Variants in SH3TC2 observed in about 807,000 individuals in gnomAD.
The protein encoded by SH3TC2 is SH3 domain and tetratricopeptide repeats 2.
SH3TC2 carries 87 observed loss-of-function variants against 124.5 expected under a neutral mutation model. That is an observed-to-expected ratio of 0.70 (90% CI 0.59 to 0.84). The LOEUF (loss-of-function observed/expected upper bound fraction) is 0.84. Among genes scored for constraint, SH3TC2 ranks in the 40% least tolerant of loss-of-function variants. SH3TC2 has a pLI of 0.00. For synonymous variants in SH3TC2, 634 were observed against 628.5 expected, an observed-to-expected ratio of 1.01 and a Z score of -0.13; for missense variants, 1,536 against 1,566.4, an observed-to-expected ratio of 0.98 and a Z score of 0.33.
chr5:148,984,645 T>C lies in SH3TC2; in HGVS notation c.*20066A>G, dbSNP rs1753305340. 6.6e-6 allele frequency among the ~76,000 whole-genome samples: 1 copy of C among 152,162 alleles called. No homozygotes were observed. The highest frequency in any genetic ancestry group is 1.5e-5 in the Non-Finnish European group (1 of 68,030). ...AAGGTTGGTCTTTCAGGTTGGCATA[T>C]AGGAAGGAATTTGTCAGCATGTATC... On this transcript the variant is annotated 3_prime_UTR_variant, in exon 17 of 17. Coordinates refer to ENST00000515425, the MANE Select transcript of SH3TC2 (RefSeq NM_024577.4).
intron 3 of SH3TC2, 98 bp downstream of exon 3, chr5:149,047,764 G>A: frequency 6.7e-7 from 1 of 1,496,550 alleles, no homozygotes; most frequent in Non-Finnish European, 9.3e-7. Context: ...TTTTTCCGAG[G>A]ACCTACTTTG....
intron 14 of SH3TC2, 93 bp downstream of exon 14, chr5:149,010,177 A>T: frequency 6.5e-7 from 1 of 1,544,266 alleles, no homozygotes; most frequent in Non-Finnish European, 8.9e-7. Context: ...TACAAGCAAG[A>T]GAGGAGAAGA....
In SH3TC2 at chr5:148,996,123, A is replaced by G. The variant is rs367726882; in HGVS notation, c.*8588T>C. On this transcript the variant is annotated 3_prime_UTR_variant, in exon 17 of 17. Transcript: ENST00000515425. ...AAAAATTAGCTGGGAGTGGTTGTAC[A>G]TGCCTGTAGTCCCAGCTACTCGGGA... Among the ~76,000 whole-genome samples the G allele has an allele frequency of 1.3e-5, 2 of 151,948 alleles. No individual in the cohort carries two copies. Among genetic ancestry groups the G allele is most frequent in the South Asian group, 2.1e-4 (1 of 4,814 alleles).
chr5:149,039,344 T>A (rs1373789051), intron 7 of SH3TC2, among the ~76,000 whole-genome samples: 1 of 152,226 alleles, frequency 6.6e-6, no homozygotes, highest in Non-Finnish European at 1.5e-5. Context: ...ATGAGATTTG[T>A]CTAAGGATCT....
intron 1 of SH3TC2, among the ~76,000 whole-genome samples, chr5:149,056,252 C>T (rs1833687): frequency 0.029 from 4,466 of 152,198 alleles, 296 homozygotes; most frequent in Admixed American, 0.16. Flanking sequence ...TTCTGCTTCT[C>T]TCCCTCCTCC....
Position 148,982,197 on chromosome 5 carries a change from A to C in SH3TC2, c.*22514T>G, listed in dbSNP as rs1440634586. Among the ~76,000 whole-genome samples the C allele has an allele frequency of 1.3e-5, 2 of 152,176 alleles. No homozygotes were observed. Among genetic ancestry groups the C allele is most frequent in the South Asian group, 2.1e-4 (1 of 4,814 alleles). On this transcript the variant is annotated 3_prime_UTR_variant, in exon 17 of 17. Coordinates refer to ENST00000515425, the MANE Select transcript of SH3TC2 (RefSeq NM_024577.4). Reference sequence around the variant, plus strand: ...CTGTAGTTTAAATTTTAAAACATTGAGATACCACCTCACAACTATTAAACA... The same window carrying C: ...CTGTAGTTTAAATTTTAAAACATTGCGATACCACCTCACAACTATTAAACA...
In SH3TC2 at chr5:149,028,439, G is replaced by T; in HGVS notation, c.1293C>A (p.Leu431=). The T allele has an allele frequency of 1.2e-6, 2 of 1,613,338 alleles. No individual in the cohort carries two copies. The highest frequency in any genetic ancestry group is 8.5e-7 in the Non-Finnish European group (1 of 1,179,576). The change falls in exon 11 of 17, where the codon CTC becomes CTA. Residue 431 remains leucine (L), a synonymous_variant. Coordinates refer to ENST00000515425, the MANE Select transcript of SH3TC2 (RefSeq NM_024577.4). ...SSEDSSLEEE[L]LSATSDSYRL... ...GATAGCTGTCTGAGGTGGCCGAGAGGAGCTCCTCCTCCAGGCTGGAGTCCT... is the reference window on the plus strand; with the variant it reads ...GATAGCTGTCTGAGGTGGCCGAGAGTAGCTCCTCCTCCAGGCTGGAGTCCT...
chr5:149,050,076 T>C (rs562726842), intron 2 of SH3TC2, among the ~76,000 whole-genome samples: 23 of 152,272 alleles, frequency 1.5e-4, no homozygotes, highest in African/African-American at 5.3e-4. Context: ...AACAGGGCAT[T>C]TGGTGTGAAT....
chr5:148,989,967 T>C lies in SH3TC2; in HGVS notation c.*14744A>G, dbSNP rs1486360266. Reference sequence around the variant, plus strand: ...ACAAGTGTGTGCATGTTTGTGTGTATGTGTGTGTGTTTGATGGGGTGGGGG... The same window carrying C: ...ACAAGTGTGTGCATGTTTGTGTGTACGTGTGTGTGTTTGATGGGGTGGGGG... On this transcript the variant is annotated 3_prime_UTR_variant, in exon 17 of 17. Coordinates refer to ENST00000515425, the MANE Select transcript of SH3TC2 (RefSeq NM_024577.4). 6.6e-6 allele frequency among the ~76,000 whole-genome samples: 1 copy of C among 152,100 alleles called. No homozygotes were observed. The highest frequency in any genetic ancestry group is 1.5e-5 in the Non-Finnish European group (1 of 68,018).
intron 12 of SH3TC2, among the ~76,000 whole-genome samples, chr5:149,022,377 AAGAC>A (rs1304228616): frequency 6.6e-6 from 1 of 152,222 alleles, no homozygotes; most frequent in Non-Finnish European, 1.5e-5. Flanking sequence ...AAATAAAAAA[AAGAC>A]AGACACTAAC....
At chr5:149,059,512 C>CT (rs528917210) in intron 1 of SH3TC2, among the ~76,000 whole-genome samples, 1 of 150,760 alleles carries the variant, frequency 6.6e-6, no homozygotes, top group Non-Finnish European at 1.5e-5. Flanking sequence ...ATTTTCTTTT[C>CT]TTTTTTGACC....
chr5:149,038,053 T>C (rs1415682277), intron 8 of SH3TC2, among the ~76,000 whole-genome samples: 1 of 152,170 alleles, frequency 6.6e-6, no homozygotes, highest in African/African-American at 2.4e-5. Flanking sequence ...GCCCTTTGTC[T>C]TGGAGTTTTG....
chr5:149,015,298 G>A (rs933370221), intron 12 of SH3TC2, among the ~76,000 whole-genome samples: 1 of 152,122 alleles, frequency 6.6e-6, no homozygotes, highest in Non-Finnish European at 1.5e-5. Flanking sequence ...CTAAAACTGG[G>A]CAGTAGTCCA....
chr5:149,013,867 C>T (rs1034291603), intron 12 of SH3TC2, among the ~76,000 whole-genome samples: 3 of 152,220 alleles, frequency 2.0e-5, no homozygotes, highest in Admixed American at 6.5e-5. Flanking sequence ...TACACTGCCA[C>T]ACTATTTCCC....
intron 12 of SH3TC2, among the ~76,000 whole-genome samples, chr5:149,024,657 G>T (rs1413287823): frequency 6.6e-6 from 1 of 152,198 alleles, no homozygotes. Context: ...GCAGGATCAG[G>T]TTTCCTGGCC....
Position 149,038,416 on chromosome 5 carries a change from T to C in SH3TC2, c.880A>G (p.Ser294Gly), listed in dbSNP as rs748663288. 1.2e-6 allele frequency: 2 copies of C among 1,614,200 alleles called. No homozygotes were observed. The highest frequency in any genetic ancestry group is 2.2e-5 in the South Asian group (2 of 91,078). The change falls in exon 8 of 17, where the codon AGC (serine) becomes GGC (glycine). Residue 294 changes from serine to glycine, a missense_variant. By Grantham distance (56) the Ser-to-Gly change is moderately conservative (BLOSUM62 0). Coordinates refer to ENST00000515425, the MANE Select transcript of SH3TC2 (RefSeq NM_024577.4). ...ATGACAAAGCCGATGATCTCAATGC[T>C]TTCTCCCTGGTAGAAATTCAGTTCA... ...KDELNFYQGESIEIIGFVIPG... is the reference protein window; with the variant it reads ...KDELNFYQGEGIEIIGFVIPG...
In SH3TC2 at chr5:149,004,129, T is replaced by A. The variant is rs1753642114; in HGVS notation, c.*582A>T. On this transcript the variant is annotated 3_prime_UTR_variant, in exon 17 of 17. Coordinates refer to ENST00000515425, the MANE Select transcript of SH3TC2 (RefSeq NM_024577.4). Reference sequence around the variant, plus strand: ...GAAGATGGTGAATCCAAGTCAGGTTTCGTGCAATCCATCTGGCCATTCTGA... The same window carrying A: ...GAAGATGGTGAATCCAAGTCAGGTTACGTGCAATCCATCTGGCCATTCTGA... 1 of 184,194 alleles carries A rather than the reference T, an allele frequency of 5.4e-6. No homozygotes were observed. The highest frequency in any genetic ancestry group is 2.5e-3 in the Middle Eastern group (1 of 394). The allele number at this position is 184,194 out of a possible 1,614,324, so 11.4% of individuals were successfully genotyped here. A position where few individuals can be genotyped will look rare whatever the true frequency, so the allele number is the denominator to read the frequency against.
chr5:149,038,541 C>G, intron 7 of SH3TC2, 51 bp from the exon 8 acceptor site: 1 of 1,558,026 alleles, frequency 6.4e-7, no homozygotes. Flanking sequence ...ACAGCTGAGC[C>G]TCCCATCACC....
chr5:148,994,606 G>A lies in SH3TC2; in HGVS notation c.*10105C>T, dbSNP rs753563756. Among the ~76,000 whole-genome samples the A allele has an allele frequency of 1.5e-3, 77 of 52,590 alleles. No homozygotes were observed. The highest frequency in any genetic ancestry group is 2.1e-3 in the Non-Finnish European group (62 of 29,310). The allele number at this position is 52,590 out of a possible 152,430, so 34.5% of individuals were successfully genotyped here. A position where few individuals can be genotyped will look rare whatever the true frequency, so the allele number is the denominator to read the frequency against. ...TGGGTGGTTGGGTGGTTAGATGGTTGGTTGGTTGGTTGGTTGGTTGGTTGG... is the reference window on the plus strand; with the variant it reads ...TGGGTGGTTGGGTGGTTAGATGGTTAGTTGGTTGGTTGGTTGGTTGGTTGG... On this transcript the variant is annotated 3_prime_UTR_variant, in exon 17 of 17. Transcript: ENST00000515425.
Sources: allele counts gnomAD v4.1 joint callset (sites outside exome capture counted in the v4.1 genomes callset), GRCh38; gene constraint gnomAD v4.1.1; transcripts MANE v1.5; gene names NCBI Gene and HGNC (gene_info 2026-07-23, HGNC 2026-07-21).